PCGF3: variants seen among roughly 807,000 people sequenced by gnomAD.
PCGF3 encodes the protein polycomb group RING finger protein 3.
A neutral mutation model predicts 33.1 loss-of-function variants in PCGF3; 7 were observed. That is an observed-to-expected ratio of 0.21 (90% CI 0.12 to 0.40). The LOEUF (loss-of-function observed/expected upper bound fraction) is 0.40. PCGF3 is among the 10% of genes least tolerant of loss of function. PCGF3 has a pLI of 1.00. For missense variants in PCGF3, 211 were observed against 313.3 expected, an observed-to-expected ratio of 0.67 and a Z score of 2.46; for synonymous variants, 153 against 121.3, an observed-to-expected ratio of 1.26 and a Z score of -1.72.
chr4:731,649 C>A (rs1361028755), intron 3 of PCGF3, among the ~76,000 whole-genome samples: 2 of 56,878 alleles, frequency 3.5e-5, no homozygotes, highest in African/African-American at 1.1e-4. Flanking sequence ...TAGGGCGGGG[C>A]TCCCCCGCCC....
intron 9 of PCGF3, 59 bp from the exon 10 acceptor site, chr4:764,925 G>C (rs764011417): frequency 4.4e-6 from 5 of 1,135,388 alleles, no homozygotes; most frequent in South Asian, 3.8e-5. Flanking sequence ...CATCAAGGTG[G>C]CCATGTCAGT....
chr4:766,162 G>C, exon 11 of PCGF3: 3 of 1,110,400 alleles, frequency 2.7e-6, no homozygotes, highest in Non-Finnish European at 4.1e-6. Flanking sequence ...TTGCCTCTGG[G>C]TGTCATGTGG....
In PCGF3 at chr4:721,716, G is replaced by T. The variant is rs1048414016; in HGVS notation, c.-189-8914G>T. ...GTGTGGAGAGAGGCCTGTGGGAGACGGATGGATGGGTGTCTCTGTGTATGG... is the reference window on the plus strand; with the variant it reads ...GTGTGGAGAGAGGCCTGTGGGAGACTGATGGATGGGTGTCTCTGTGTATGG... On this transcript the variant is annotated intron_variant, in intron 1 of 10. Coordinates refer to ENST00000362003, the Ensembl canonical transcript of PCGF3. The surrounding 1 kb of genome is among the most constrained non-coding windows in gnomAD (Gnocchi z 4.1). Among the ~76,000 whole-genome samples, 14 of 150,706 alleles carry T rather than the reference G, an allele frequency of 9.3e-5. 1 individual carries two copies. The highest frequency in any genetic ancestry group is 3.3e-4 in the Admixed American group (5 of 15,152).
intron 8 of PCGF3, among the ~76,000 whole-genome samples, chr4:756,062 T>C (rs549667936): frequency 6.6e-6 from 1 of 151,418 alleles, no homozygotes; most frequent in Admixed American, 6.6e-5. Flanking sequence ...TATAGGCACA[T>C]GCCACCATAC....
intron 3 of PCGF3, among the ~76,000 whole-genome samples, chr4:733,057 CCGCG>C (rs879918596): frequency 0.012 from 1,655 of 133,162 alleles, 15 homozygotes; most frequent in Non-Finnish European, 0.02. Flanking sequence ...GGGGCCCCTG[CCGCG>C]TGCTGCCTCC....
At chr4:729,214 C>T (rs762668834) in intron 1 of PCGF3, among the ~76,000 whole-genome samples, 9 of 150,546 alleles carry the variant, frequency 6.0e-5, no homozygotes, top group South Asian at 4.2e-4. Flanking sequence ...CAGTAGTTCA[C>T]GGCCAGCCTG....
At chr4:749,129 A>G (rs1195366440) in intron 8 of PCGF3, among the ~76,000 whole-genome samples, 1 of 152,210 alleles carries the variant, frequency 6.6e-6, no homozygotes, top group Non-Finnish European at 1.5e-5. Context: ...TGCTTTCAAA[A>G]GGGCCAATTT....
Position 765,862 on chromosome 4 carries a change from A to AG in PCGF3, c.682-169dup, listed in dbSNP as rs564185847. On this transcript the variant is annotated intron_variant, in intron 10 of 10. Coordinates refer to ENST00000362003, the Ensembl canonical transcript of PCGF3. ...ATGTCTTCCTAGCCCGTCTTCCCCC[A>AG]GCAACTTCTGGGGGACCCTTCTGTT... Among the ~76,000 whole-genome samples, 223 of 152,266 alleles carry AG rather than the reference A, an allele frequency of 1.5e-3. 3 individuals are homozygous for AG. Among genetic ancestry groups the AG allele is most frequent in the Non-Finnish European group, 9.6e-4 (65 of 67,994 alleles).
At chr4:717,828 G>A (rs1164417381) in intron 1 of PCGF3, among the ~76,000 whole-genome samples, 3 of 152,242 alleles carry the variant, frequency 2.0e-5, no homozygotes, top group Non-Finnish European at 2.9e-5. Flanking sequence ...AGGAGTCCAC[G>A]CGGCAGGGGC....
At chr4:734,989 G>T in exon 5 of PCGF3, 1 of 1,613,562 alleles carries the variant, frequency 6.2e-7, no homozygotes, top group Non-Finnish European at 8.5e-7. Flanking sequence ...CCACCTGCAG[G>T]ATTGTGATCC....
chr4:715,608 G>T (rs796319751), intron 1 of PCGF3, among the ~76,000 whole-genome samples: 4,641 of 62,296 alleles, frequency 0.074, 15 homozygotes, highest in South Asian at 0.1. Flanking sequence ...ACTGGGTGTC[G>T]GTGCTGGGAC....
At chr4:722,912 C>T (rs1168395656) in intron 1 of PCGF3, among the ~76,000 whole-genome samples, 2 of 125,212 alleles carry the variant, frequency 1.6e-5, no homozygotes, top group African/African-American at 3.1e-5. Flanking sequence ...GGTCCACACT[C>T]GCGTCATCGC....
chr4:765,172 G>A (rs887630615), intron 10 of PCGF3, 108 bp downstream of exon 10: 7 of 748,496 alleles, frequency 9.4e-6, no homozygotes, highest in Non-Finnish European at 1.6e-5. Flanking sequence ...AGTGGCTCAT[G>A]CCTGTAATCC....
At chr4:753,861 C>T (rs562113856) in intron 8 of PCGF3, among the ~76,000 whole-genome samples, 34 of 151,570 alleles carry the variant, frequency 2.2e-4, no homozygotes, top group South Asian at 1.0e-3. Flanking sequence ...GCATGAGAAT[C>T]GCTTGAACTT....
At chr4:706,262 G>T (rs1204132896) in intron 1 of PCGF3, among the ~76,000 whole-genome samples, 4 of 134,790 alleles carry the variant, frequency 3.0e-5, no homozygotes, top group East Asian at 2.4e-4. Flanking sequence ...CGCAGGGAGG[G>T]CAAGACCCCA....
intron 5 of PCGF3, among the ~76,000 whole-genome samples, chr4:735,640 T>G (rs115884488): frequency 0.01 from 1,581 of 152,384 alleles, 23 homozygotes; most frequent in African/African-American, 0.035. Context: ...TTGCTGAAGT[T>G]AAATTTGATG....
chr4:729,560 G>A (rs940190835), intron 1 of PCGF3, among the ~76,000 whole-genome samples: 8 of 152,164 alleles, frequency 5.3e-5, no homozygotes, highest in Admixed American at 2.6e-4. Flanking sequence ...AGAATATTCC[G>A]GAAGCCTGGC....
At chr4:750,648 A>G (rs1264425652) in intron 8 of PCGF3, among the ~76,000 whole-genome samples, 1 of 152,026 alleles carries the variant, frequency 6.6e-6, no homozygotes, top group Non-Finnish European at 1.5e-5. Context: ...AAGTTGAATG[A>G]ATGAGAAACA....
rs1743762903 is a variant in PCGF3, at chr4:734,854, T to G, written c.110-77T>G. The G allele has an allele frequency of 1.6e-5, 24 of 1,547,144 alleles. No individual in the cohort carries two copies. The South Asian group carries it at 2.9e-4, about 18-fold the overall frequency. On this transcript the variant is annotated intron_variant, in intron 4 of 10. Transcript: ENST00000362003. ...ACAGAAACGAGCTCAGAGACGCCCGTGTTCAGTGGAGCACGCCGATGGGGT... is the reference window on the plus strand; with the variant it reads ...ACAGAAACGAGCTCAGAGACGCCCGGGTTCAGTGGAGCACGCCGATGGGGT...
Sources: gnomAD v4.1 joint callset for allele counts (sites outside exome capture counted in the v4.1 genomes callset) on GRCh38, gnomAD v4.1.1 for gene constraint, Gnocchi (gnomAD v3.1) non-coding constraint, MANE v1.5 for transcripts, NCBI Gene and HGNC (gene_info 2026-07-23, HGNC 2026-07-21) for gene names.